The following APLF variants were observed in gnomAD, a reference collection of about 807,000 sequenced individuals.
The protein encoded by APLF is aprataxin and PNKP like factor, also known as aprataxin and PNK-like factor.
A neutral mutation model predicts 55.6 loss-of-function variants in APLF; 61 were observed. The observed-to-expected ratio is 1.10, with a 90% CI of 0.89 to 1.36. The LOEUF is 1.36. Ranked by LOEUF, APLF falls within the 40% of genes most tolerant of loss-of-function variation. APLF has a pLI of 0.00. For synonymous variants in APLF, 207 were observed against 214.8 expected (o/e 0.96, Z 0.32); for missense variants, 611 against 602.5 (o/e 1.01, Z -0.15).
chr2:68,502,965 A>G lies in APLF; in HGVS notation c.341+62A>G. On this transcript the variant is annotated intron_variant, in intron 3 of 9. Coordinates refer to ENST00000303795, the MANE Select transcript of APLF (RefSeq NM_173545.3). ...TTTAATCTAATTCCTCAGCCATCACAAATCCTTCGGTAGGAACCAGTAGAA... is the reference window on the plus strand; with the variant it reads ...TTTAATCTAATTCCTCAGCCATCACGAATCCTTCGGTAGGAACCAGTAGAA... 4 of 1,532,100 alleles carry G rather than the reference A, an allele frequency of 2.6e-6. No individual in the cohort carries two copies. In the South Asian group the frequency reaches 4.9e-5, roughly 19 times the overall value. 94.9% of individuals were successfully genotyped at this position (1,532,100 alleles called of 1,614,324 possible).
At chr2:68,502,513 A>G (rs1676752435) in intron 2 of APLF, among the ~76,000 whole-genome samples, 1 of 151,954 alleles carries the variant, frequency 6.6e-6, no homozygotes, top group Non-Finnish European at 1.5e-5. Flanking sequence ...AATGGGAGGT[A>G]TACCATAGCT....
chr2:68,575,950 GGAGT>G (rs1295486445), intron 9 of APLF, among the ~76,000 whole-genome samples: 1 of 152,120 alleles, frequency 6.6e-6, no homozygotes, highest in African/African-American at 2.4e-5. Context: ...AATCATCTAA[GGAGT>G]GAGTTAGAGA....
chr2:68,553,231 A>G (rs889694368), intron 8 of APLF, among the ~76,000 whole-genome samples: 4 of 152,126 alleles, frequency 2.6e-5, no homozygotes, highest in Admixed American at 2.0e-4. Context: ...TGGAGTTTTC[A>G]AAGTACCTCT....
intron 6 of APLF, among the ~76,000 whole-genome samples, chr2:68,528,076 G>A (rs1484084342): frequency 1.3e-5 from 2 of 152,046 alleles, no homozygotes; most frequent in African/African-American, 4.8e-5. Context: ...CCAAGCAGAG[G>A]CGCTCCTCAC....
At chr2:68,565,302 A>T (rs891559804) in intron 8 of APLF, among the ~76,000 whole-genome samples, 2 of 152,070 alleles carry the variant, frequency 1.3e-5, no homozygotes, top group African/African-American at 4.8e-5. Context: ...ATGGAGGGAC[A>T]GGAAATTAGG....
intron 8 of APLF, among the ~76,000 whole-genome samples, chr2:68,552,980 T>C (rs1025223512): frequency 1.3e-5 from 2 of 152,118 alleles, no homozygotes; most frequent in African/African-American, 4.8e-5. Flanking sequence ...TTAGATATGA[T>C]TGATTACTCT....
intron 6 of APLF, among the ~76,000 whole-genome samples, chr2:68,534,762 A>G (rs1670342866): frequency 6.6e-6 from 1 of 152,194 alleles, no homozygotes; most frequent in Non-Finnish European, 1.5e-5. Flanking sequence ...TAGGAAATAT[A>G]GAGCTCTCTG....
In APLF at chr2:68,537,927, T is replaced by C; in HGVS notation, c.860T>C (p.Ile287Thr). The stretch of plus-strand genomic sequence containing the variant: ...TTAAGTAACACAGAGATGAATAATA[T>C]TAAGACTAATGCACAGAGAAACAAA... ...ITLSNTEMNN[I>T]KTNAQRNKLP... Residue 287 changes from isoleucine to threonine, a missense_variant, in exon 7 of 10, where the codon ATT becomes ACT. Physicochemically the swap from Ile to Thr is moderately conservative, Grantham distance 89. Coordinates refer to ENST00000303795, the MANE Select transcript of APLF (RefSeq NM_173545.3). 1 of 1,612,290 alleles carries C rather than the reference T, an allele frequency of 6.2e-7. No individual in the cohort carries two copies. Among genetic ancestry groups the C allele is most frequent in the African/African-American group, 1.3e-5 (1 of 74,858 alleles).
intron 5 of APLF, among the ~76,000 whole-genome samples, chr2:68,523,407 A>C (rs963979639): frequency 1.5e-4 from 22 of 147,862 alleles, no homozygotes; most frequent in African/African-American, 5.0e-4. Flanking sequence ...TTAAATATAC[A>C]ATACACTTTG....
intron 8 of APLF, among the ~76,000 whole-genome samples, chr2:68,561,388 A>G (rs991799664): frequency 6.6e-6 from 1 of 152,110 alleles, no homozygotes; most frequent in African/African-American, 2.4e-5. Flanking sequence ...TCACAACATA[A>G]TGCTAGTGAT....
At chr2:68,475,971 CT>C (rs974521437) in intron 1 of APLF, among the ~76,000 whole-genome samples, 38 of 144,982 alleles carry the variant, frequency 2.6e-4, no homozygotes, top group Admixed American at 4.2e-4. Flanking sequence ...AGATCCCATG[CT>C]TTTTTTTTTA....
chr2:68,525,042 C>T (rs2103980141), intron 5 of APLF, among the ~76,000 whole-genome samples: 2 of 152,160 alleles, frequency 1.3e-5, no homozygotes, highest in South Asian at 4.1e-4. Context: ...GCCTGTAATC[C>T]CAGCACTTTG....
chr2:68,545,798 T>G (rs866899152), intron 8 of APLF, among the ~76,000 whole-genome samples: 5 of 152,300 alleles, frequency 3.3e-5, no homozygotes, highest in Non-Finnish European at 5.9e-5. Flanking sequence ...CAGAGTAGGA[T>G]TTATCTCATG....
In APLF at chr2:68,520,143, T is replaced by C. The variant is rs148502921; in HGVS notation, c.623-5918T>C. ...TGTGAGAATTGTTTATTCATGTCCT[T>C]AGCCCACTTTTTGATGGGATTATTT... is the stretch of plus-strand genomic sequence containing the variant. On this transcript the variant is annotated intron_variant, in intron 5 of 9. Coordinates refer to ENST00000303795, the MANE Select transcript of APLF (RefSeq NM_173545.3). Among the ~76,000 whole-genome samples, 755 of 152,100 alleles carry C rather than the reference T, an allele frequency of 5.0e-3. 3 individuals carry two copies. The highest frequency in any genetic ancestry group is 0.017 in the African/African-American group (724 of 41,528).
chr2:68,573,236 A>G (rs914119321), intron 9 of APLF, among the ~76,000 whole-genome samples: 4 of 152,230 alleles, frequency 2.6e-5, no homozygotes, highest in Non-Finnish European at 5.9e-5. Context: ...GGCTTCAAGT[A>G]GTCAAGCTGT....
chr2:68,501,131 T>C (rs373560999), intron 2 of APLF, among the ~76,000 whole-genome samples: 17 of 152,368 alleles, frequency 1.1e-4, no homozygotes, highest in East Asian at 7.7e-4. Context: ...TTTAAATTTC[T>C]ACCTCTGCTC....
At chr2:68,471,160 C>T (rs770577766) in intron 1 of APLF, among the ~76,000 whole-genome samples, 37 of 152,182 alleles carry the variant, frequency 2.4e-4, no homozygotes, top group Non-Finnish European at 3.8e-4. Context: ...CTCAGCCTCT[C>T]ATTCACTCTA....
rs775240570 is a variant in APLF at position 68,502,801 on chromosome 2, G to A, written c.239G>A (p.Trp80Ter). Residue 80 changes from tryptophan (W) to a stop codon, truncating the protein, a stop_gained, in exon 3 of 10, where the codon TGG (tryptophan) becomes TAG (stop). Coordinates refer to ENST00000303795, the MANE Select transcript of APLF (RefSeq NM_173545.3). LOFTEE classifies it high-confidence loss of function. Reference protein sequence around the residue: ...SQLLPLKPNLWCYLNPGDSFS... With the variant: ...SQLLPLKPNL ...CTCTTACCATTGAAGCCAAATCTAT[G>A]GTGCTATTTGAATCCTGGAGACAGC... 1.2e-6 allele frequency: 2 copies of A among 1,607,210 alleles called. No individual in the cohort carries two copies. Among genetic ancestry groups the A allele is most frequent in the Non-Finnish European group, 1.7e-6 (2 of 1,177,776 alleles).
rs1677027681 is a variant in APLF, at chr2:68,510,848, G to A, written c.342-2232G>A. 3.3e-5 allele frequency among the ~76,000 whole-genome samples: 5 copies of A among 151,820 alleles called. No individual in the cohort carries two copies. In the South Asian group the frequency reaches 1.0e-3, roughly 31 times the overall value. ...GTAGAATATTATTTGGCCATAAAGAGGAATGAAATATTTACATATGCTACA... is the reference window on the plus strand; with the variant it reads ...GTAGAATATTATTTGGCCATAAAGAAGAATGAAATATTTACATATGCTACA... On this transcript the variant is annotated intron_variant, in intron 3 of 9. Coordinates refer to ENST00000303795, the MANE Select transcript of APLF (RefSeq NM_173545.3).
Sources: allele counts gnomAD v4.1 joint callset (sites outside exome capture counted in the v4.1 genomes callset), GRCh38; gene constraint gnomAD v4.1.1; transcripts MANE v1.5; gene names NCBI Gene and HGNC (gene_info 2026-07-23, HGNC 2026-07-21).